SLC15A4: variants seen among roughly 807,000 people sequenced by gnomAD.
The protein encoded by SLC15A4 is hPHT1.
Under a neutral mutation model 46.1 loss-of-function variants are expected in SLC15A4, and 26 were observed. The ratio of observed to expected loss-of-function variants is 0.56; its 90% CI spans 0.41 to 0.78. The LOEUF (loss-of-function observed/expected upper bound fraction) is 0.78, where lower values mean the gene tolerates loss of function less well. SLC15A4 is among the 30% of genes least tolerant of loss of function. SLC15A4 has a pLI of 0.00. For synonymous variants in SLC15A4, 370 were observed against 333.4 expected (o/e 1.11, Z -1.20); for missense variants, 751 against 755.7 (o/e 0.99, Z 0.07).
chr12:128,801,692 C>T (rs947608590), intron 5 of SLC15A4: 1 of 152,142 alleles, frequency 6.6e-6, no homozygotes, highest in Non-Finnish European at 1.5e-5. Context: ...AAAAATCAGC[C>T]ACTGGAAATA....
chr12:128,822,051 C>T (rs1413834709), intron 1 of SLC15A4, among the ~76,000 whole-genome samples: 1 of 152,214 alleles, frequency 6.6e-6, no homozygotes, highest in South Asian at 2.1e-4. Flanking sequence ...GTATCCCCAA[C>T]GCTTTAACAC....
In SLC15A4 at chr12:128,794,271, A is replaced by G. The variant is rs1955420160; in HGVS notation, c.1659T>C (p.Ile553=). 4.3e-6 allele frequency: 7 copies of G among 1,613,994 alleles called. No individual in the cohort carries two copies. In the Admixed American group the frequency reaches 6.7e-5, roughly 15 times the overall value. ...CTCGATGATGGTCATATTTCACAGA[A>G]ATAATGAGGAAAAGCAGGAGGGTAG... ...QGATLLLFLI[I]SVKYDHHRDH... Residue 553 remains isoleucine (I), a synonymous_variant, in exon 8 of 8, where the codon ATT becomes ATC. Transcript: ENST00000266771.
chr12:128,801,082 G>A, intron 5 of SLC15A4, 73 bp from the exon 6 acceptor site: 1 of 1,394,170 alleles, frequency 7.2e-7, no homozygotes, highest in Non-Finnish European at 9.8e-7. Context: ...TCTGATGTTG[G>A]CTACGAGACT....
chr12:128,809,256 T>G, intron 4 of SLC15A4, 140 bp downstream of exon 4: 1 of 633,110 alleles, frequency 1.6e-6, no homozygotes, highest in Non-Finnish European at 2.7e-6. Context: ...TTCTCTAAAA[T>G]AAGTAAAAAC....
chr12:128,815,129 C>T (rs955522096), intron 1 of SLC15A4, 59 bp from the exon 2 acceptor site: 8 of 1,507,260 alleles, frequency 5.3e-6, no homozygotes, highest in Admixed American at 1.9e-5. Context: ...AGGATGAAAA[C>T]CATATACGGT....
At chr12:128,797,685 A>C (rs143712318) in intron 7 of SLC15A4, among the ~76,000 whole-genome samples, 1 of 152,338 alleles carries the variant, frequency 6.6e-6, no homozygotes, top group East Asian at 1.9e-4. Context: ...TAAGGGTGGC[A>C]CAGACACCCC....
intron 2 of SLC15A4, chr12:128,813,826 G>A (rs1955699880): frequency 6.6e-6 from 1 of 152,284 alleles, no homozygotes; most frequent in African/African-American, 2.4e-5. Context: ...TCTATGCCTT[G>A]ACTGCACTGG....
chr12:128,816,491 T>C (rs996936808), intron 1 of SLC15A4, among the ~76,000 whole-genome samples: 10 of 152,324 alleles, frequency 6.6e-5, no homozygotes, highest in Admixed American at 2.0e-4. Context: ...TCTGGATCCA[T>C]AGAACAATCT....
intron 5 of SLC15A4, among the ~76,000 whole-genome samples, chr12:128,805,294 A>T (rs1404731883): frequency 6.6e-6 from 1 of 152,226 alleles, no homozygotes; most frequent in South Asian, 2.1e-4. Context: ...ACTAACGTTG[A>T]ATCAAAGAAA....
intron 5 of SLC15A4, among the ~76,000 whole-genome samples, chr12:128,808,520 A>G (rs1955615573): frequency 6.6e-6 from 1 of 152,232 alleles, no homozygotes; most frequent in South Asian, 2.1e-4. Context: ...CAGTAGGTAG[A>G]GAAAAACCTC....
At chr12:128,814,016 A>G (rs1356305008) in intron 2 of SLC15A4, 1 of 155,548 alleles carries the variant, frequency 6.4e-6, no homozygotes, top group Non-Finnish European at 1.5e-5. Context: ...AACATGAGTC[A>G]TAGTTGGCCA....
In SLC15A4 at chr12:128,793,864, G is replaced by A. The variant is rs936400374; in HGVS notation, c.*332C>T. ...AAGAAACTGGGATGCCAACTAACAC[G>A]TGGAGTTCCCCAAGACTTTGCAATC... On this transcript the variant is annotated 3_prime_UTR_variant, in exon 8 of 8. Transcript: ENST00000266771. 4.5e-5 allele frequency: 9 copies of A among 198,250 alleles called. No homozygotes were observed. The highest frequency in any genetic ancestry group is 9.3e-5 in the African/African-American group (4 of 43,200). The allele number at this position is 198,250 out of a possible 1,614,324, so 12.3% of individuals were successfully genotyped here.
In SLC15A4 at chr12:128,794,121, T is replaced by G. The variant is rs1311817897; in HGVS notation, c.*75A>C. 2 of 1,340,518 alleles carry G rather than the reference T, an allele frequency of 1.5e-6. No homozygotes were observed. The highest frequency in any genetic ancestry group is 2.1e-6 in the Non-Finnish European group (2 of 975,570). 83.0% of individuals were successfully genotyped at this position (1,340,518 alleles called of 1,614,324 possible). ...TCAGACATTTTATGGGAATTTAAAGTCTTGCCTGTTCTCAGTGCACCCCAG... is the reference window on the plus strand; with the variant it reads ...TCAGACATTTTATGGGAATTTAAAGGCTTGCCTGTTCTCAGTGCACCCCAG... On this transcript the variant is annotated 3_prime_UTR_variant, in exon 8 of 8. Coordinates refer to ENST00000266771, the MANE Select transcript of SLC15A4 (RefSeq NM_145648.4).
intron 5 of SLC15A4, among the ~76,000 whole-genome samples, chr12:128,806,402 CATTTATTATGGGTGTAG>C (rs1010430391): frequency 4.0e-5 from 6 of 151,832 alleles, no homozygotes; most frequent in Non-Finnish European, 7.4e-5. Flanking sequence ...AAAAAAAAAT[CATTTATTATGGGTGTAG>C]ATTTATTATG....
intron 5 of SLC15A4, among the ~76,000 whole-genome samples, chr12:128,803,300 G>A (rs1483122845): frequency 6.6e-6 from 1 of 152,146 alleles, no homozygotes; most frequent in East Asian, 1.9e-4. Context: ...GGGAAGAGGT[G>A]TCAACAAAAA....
chr12:128,823,754 C>A lies in SLC15A4; in HGVS notation c.190G>T (p.Gly64Trp), dbSNP rs758083861. ...ITSNLVLFLN[G>W]APFCWEGAQA... ...GCGCCCTCCCAGCAGAACGGCGCCC[C>A]GTTCAGGAATAGCACCAGGTTGGAC... The change falls in exon 1 of 8, where the codon GGG (glycine) becomes TGG (tryptophan). Residue 64 changes from glycine (G) to tryptophan (W), a missense_variant. By Grantham distance (184) the Gly-to-Trp change is radical. Coordinates refer to ENST00000266771, the MANE Select transcript of SLC15A4 (RefSeq NM_145648.4). 1.7e-5 allele frequency: 26 copies of A among 1,539,224 alleles called. No homozygotes were observed. The highest frequency in any genetic ancestry group is 2.3e-5 in the Non-Finnish European group (26 of 1,151,504).
At position 128,809,932 on chromosome 12, in the gene SLC15A4, T is replaced by G. The variant is rs1362841623; in HGVS notation, c.1011+11A>C. Reference sequence around the variant, plus strand: ...AGATAAAGGAAATTAAACCTGTTTGTCACCACTCACTTGGAAATACACTGT... The same window carrying G: ...AGATAAAGGAAATTAAACCTGTTTGGCACCACTCACTTGGAAATACACTGT... On this transcript the variant is annotated intron_variant, in intron 3 of 7. Transcript: ENST00000266771. The G allele has an allele frequency of 1.9e-6, 3 of 1,608,242 alleles. No individual in the cohort carries two copies. Among genetic ancestry groups the G allele is most frequent in the Non-Finnish European group, 2.5e-6 (3 of 1,177,874 alleles).
chr12:128,811,030 A>G (rs1955650442), intron 2 of SLC15A4, among the ~76,000 whole-genome samples: 1 of 152,194 alleles, frequency 6.6e-6, no homozygotes, highest in South Asian at 2.1e-4. Context: ...CAGCTCTTGT[A>G]CTAACGAGTT....
intron 5 of SLC15A4, among the ~76,000 whole-genome samples, chr12:128,803,528 C>A (rs557205986): frequency 6.6e-6 from 1 of 152,318 alleles, no homozygotes; most frequent in Admixed American, 6.5e-5. Flanking sequence ...AGGCTTCACA[C>A]CCGGCTCTCA....
Sources: allele counts gnomAD v4.1 joint callset (sites outside exome capture counted in the v4.1 genomes callset), GRCh38; gene constraint gnomAD v4.1.1; transcripts MANE v1.5; gene names NCBI Gene and HGNC (gene_info 2026-07-23, HGNC 2026-07-21).